CNTN5: variants seen among roughly 807,000 people sequenced by gnomAD.
CNTN5 encodes contactin-5.
In CNTN5, 77 loss-of-function variants were observed where a neutral mutation model predicts 129.1. The observed-to-expected ratio is 0.60, with a 90% CI of 0.50 to 0.72. CNTN5 has a LOEUF of 0.72. Ranked by LOEUF, CNTN5 falls within the 30% of genes least tolerant of loss-of-function variation. The probability of loss-of-function intolerance (pLI) is 0.00; values close to 1 mark genes in which losing one functional copy is unlikely to be tolerated. For missense variants in CNTN5, 1,478 were observed against 1,328.8 expected, an observed-to-expected ratio of 1.11 and a Z score of -1.75; for synonymous variants, 509 against 465.6, an observed-to-expected ratio of 1.09 and a Z score of -1.20.
At chr11:99,787,487 T>C (rs1486315963) in intron 3 of CNTN5, among the ~76,000 whole-genome samples, 1 of 141,568 alleles carries the variant, frequency 7.1e-6, no homozygotes, top group Non-Finnish European at 1.5e-5. Context: ...CTTCAAGCTT[T>C]AGTTGCAAAG....
chr11:99,290,946 TTCTA>T (rs1007119259), intron 1 of CNTN5, among the ~76,000 whole-genome samples: 4 of 151,892 alleles, frequency 2.6e-5, no homozygotes, highest in Non-Finnish European at 5.9e-5. Context: ...GTACTTGATA[TTCTA>T]TCTAATATAC....
At chr11:99,837,432 T>C (rs1430553066) in intron 4 of CNTN5, among the ~76,000 whole-genome samples, 1 of 152,170 alleles carries the variant, frequency 6.6e-6, no homozygotes, top group African/African-American at 2.4e-5. Flanking sequence ...TGATCTAATA[T>C]CTTTGATATC....
intron 1 of CNTN5, among the ~76,000 whole-genome samples, chr11:99,117,801 C>T (rs1315783319): frequency 2.0e-5 from 3 of 152,112 alleles, no homozygotes; most frequent in African/African-American, 4.8e-5. Flanking sequence ...AGACAGCCAT[C>T]TTCTCCAGAC....
At chr11:99,916,194 G>C in intron 7 of CNTN5, 45 bp downstream of exon 7, 1 of 1,464,906 alleles carries the variant, frequency 6.8e-7, no homozygotes, top group Non-Finnish European at 9.5e-7. Context: ...GCTCTCTTTT[G>C]CTATGTGTTC....
At chr11:99,081,230 A>G (rs1208355579) in intron 1 of CNTN5, among the ~76,000 whole-genome samples, 1 of 152,180 alleles carries the variant, frequency 6.6e-6, no homozygotes, top group Non-Finnish European at 1.5e-5. Flanking sequence ...AAAGAAATAA[A>G]TCCCTTTTTT....
intron 7 of CNTN5, among the ~76,000 whole-genome samples, chr11:99,949,044 G>A (rs534004605): frequency 3.2e-4 from 49 of 152,330 alleles, no homozygotes; most frequent in Middle Eastern, 3.4e-3. Flanking sequence ...AGAACCCCAA[G>A]TGGGATCAAT....
At chr11:99,330,723 T>G (rs2136024976) in intron 2 of CNTN5, among the ~76,000 whole-genome samples, 1 of 152,274 alleles carries the variant, frequency 6.6e-6, no homozygotes, top group African/African-American at 2.4e-5. Flanking sequence ...TAATTGCTGG[T>G]AGTTATCTAG....
chr11:100,318,073 C>G (rs1450739306), intron 21 of CNTN5, among the ~76,000 whole-genome samples: 1 of 151,844 alleles, frequency 6.6e-6, no homozygotes. Context: ...AACCCCGTCT[C>G]TACTAAAAAT....
At chr11:100,232,710 T>G (rs937284888) in intron 16 of CNTN5, among the ~76,000 whole-genome samples, 1 of 152,212 alleles carries the variant, frequency 6.6e-6, no homozygotes, top group Non-Finnish European at 1.5e-5. Context: ...GTGGCAGGCA[T>G]CGAGCTATGA....
intron 13 of CNTN5, among the ~76,000 whole-genome samples, chr11:100,167,476 G>A (rs543978103): frequency 2.0e-5 from 3 of 151,824 alleles, no homozygotes; most frequent in South Asian, 2.1e-4. Flanking sequence ...TGTTAGACAC[G>A]AGAGATACAA....
chr11:100,230,978 T>C (rs182640159), intron 16 of CNTN5, among the ~76,000 whole-genome samples: 258 of 152,352 alleles, frequency 1.7e-3, no homozygotes, highest in African/African-American at 5.7e-3. Flanking sequence ...TACAGTCACT[T>C]CACATCTGTG....
intron 2 of CNTN5, among the ~76,000 whole-genome samples, chr11:99,415,660 G>A (rs1188381118): frequency 6.6e-6 from 1 of 152,150 alleles, no homozygotes; most frequent in African/African-American, 2.4e-5. Context: ...ACTGAGGGGA[G>A]AGCAGGAGAG....
intron 16 of CNTN5, among the ~76,000 whole-genome samples, chr11:100,245,448 G>A (rs1047834427): frequency 2.6e-5 from 4 of 152,030 alleles, no homozygotes; most frequent in African/African-American, 9.7e-5. Flanking sequence ...ATCCTTAGCA[G>A]GGGCACATGA....
chr11:99,119,030 A>G (rs780512823), intron 1 of CNTN5, among the ~76,000 whole-genome samples: 10 of 152,248 alleles, frequency 6.6e-5, no homozygotes, highest in Middle Eastern at 3.4e-3. Flanking sequence ...TTTTTAAATT[A>G]CAACCTATGA....
intron 6 of CNTN5, among the ~76,000 whole-genome samples, chr11:99,871,529 G>T (rs980796837): frequency 3.3e-5 from 5 of 151,990 alleles, no homozygotes; most frequent in Admixed American, 2.6e-4. Context: ...CACAAAGGCA[G>T]TTCTCTTGAA....
chr11:99,368,957 A>T (rs1280122849), intron 2 of CNTN5, among the ~76,000 whole-genome samples: 2 of 151,952 alleles, frequency 1.3e-5, no homozygotes. Flanking sequence ...TGTGTTCAGC[A>T]TGTTAAATTA....
At chr11:99,041,065 T>G (rs1220745869) in intron 1 of CNTN5, among the ~76,000 whole-genome samples, 1 of 152,178 alleles carries the variant, frequency 6.6e-6, no homozygotes. Flanking sequence ...TTATTTCTCA[T>G]TTGTTCAATG....
At position 99,460,877 on chromosome 11, in the gene CNTN5, A is replaced by G. The variant is rs577264908; in HGVS notation, c.-70-95268A>G. On this transcript the variant is annotated intron_variant, in intron 2 of 24. Coordinates refer to ENST00000524871, the MANE Select transcript of CNTN5 (RefSeq NM_014361.4). ...CCCAAACGATCCATCCATTCCAATCATAAGTCTTCATTCAAGAAAAAATCT... is the reference window on the plus strand; with the variant it reads ...CCCAAACGATCCATCCATTCCAATCGTAAGTCTTCATTCAAGAAAAAATCT... Among the ~76,000 whole-genome samples the G allele has an allele frequency of 2.3e-4, 35 of 152,166 alleles. No homozygotes were observed. The South Asian group carries it at 5.6e-3, about 24-fold the overall frequency.
intron 15 of CNTN5, among the ~76,000 whole-genome samples, chr11:100,206,224 GA>G (rs1397604164): frequency 6.6e-6 from 1 of 152,078 alleles, no homozygotes; most frequent in African/African-American, 2.4e-5. Context: ...AGACAAAGCA[GA>G]GAGAGGAAGT....
Sources: gnomAD v4.1 joint callset for allele counts (sites outside exome capture counted in the v4.1 genomes callset) on GRCh38, gnomAD v4.1.1 for gene constraint, MANE v1.5 for transcripts, NCBI Gene and HGNC (gene_info 2026-07-23, HGNC 2026-07-21) for gene names.